The following H1-8 variants were observed in gnomAD, a reference collection of about 807,000 sequenced individuals.
H1-8 encodes the protein H1.8 linker histone, also known as histone H1.8.
A neutral mutation model predicts 19.5 loss-of-function variants in H1-8; 13 were observed. The ratio of observed to expected loss-of-function variants is 0.67; its 90% CI spans 0.43 to 1.06. The LOEUF (loss-of-function observed/expected upper bound fraction) is 1.06. Among genes scored for constraint, H1-8 ranks in the 50% least tolerant of loss-of-function variants. The pLI, the probability that H1-8 is intolerant of heterozygous loss-of-function variation, is 0.00. For synonymous variants in H1-8, 193 were observed against 187.6 expected (o/e 1.03, Z -0.24); for missense variants, 432 against 459.8 (o/e 0.94, Z 0.55).
chr3:129,549,423 CG>C, intron 3 of H1-8, 59 bp downstream of exon 3: 1 of 1,266,790 alleles, frequency 7.9e-7, no homozygotes. Flanking sequence ...GCCACTGGAG[CG>C]GGGGCGGGGA....
rs972047130 is a variant in H1-8, at chr3:129,547,395, G to A, written c.93G>A (p.Pro31=). The A allele has an allele frequency of 1.1e-5, 17 of 1,498,810 alleles. No individual in the cohort carries two copies. The highest frequency in any genetic ancestry group is 8.9e-6 in the Non-Finnish European group (10 of 1,128,998). The allele number at this position is 1,498,810 out of a possible 1,614,324, so 92.8% of individuals were successfully genotyped here. A position where few individuals can be genotyped will look rare whatever the true frequency, so the allele number is the denominator to read the frequency against. The change falls in exon 2 of 5, where the codon CCG becomes CCA. Residue 31 remains proline (P), a synonymous_variant. Coordinates refer to ENST00000324382, the MANE Select transcript of H1-8 (RefSeq NM_153833.3). The stretch of plus-strand genomic sequence containing the variant: ...TGGCCTGCCATCTCTCCTCAGGCCC[G>A]AGCCACGGCGGTGTCCCACCAGGAG... The part of the protein sequence containing the change: ...SRSPESEKPG[P]SHGGVPPGGP...
intron 1 of H1-8, among the ~76,000 whole-genome samples, chr3:129,544,894 A>G (rs901613603): frequency 6.6e-6 from 1 of 151,860 alleles, no homozygotes; most frequent in African/African-American, 2.4e-5. Flanking sequence ...GTGACCCAGG[A>G]CTACACCAGC....
chr3:129,546,153 A>AATG (rs1284983025), intron 1 of H1-8, among the ~76,000 whole-genome samples: 1 of 142,738 alleles, frequency 7.0e-6, no homozygotes, highest in Non-Finnish European at 1.5e-5. Context: ...TAATAATAAT[A>AATG]ATAATGATAA....
Position 129,549,046 on chromosome 3 carries a change from C to T in H1-8, c.424C>T (p.Pro142Ser). The change falls in exon 3 of 5, where the codon CCC becomes TCC. Residue 142 changes from proline to serine, a missense_variant. Transcript: ENST00000324382. ...GAAAATCCAGCCCAGGAAGATGGCC[C>T]CCGCGACGGCTCCCAGGAGAGCGGG... Reference protein sequence around the residue: ...KKKIQPRKMAPATAPRRAGEA... With the variant: ...KKKIQPRKMASATAPRRAGEA... The T allele has an allele frequency of 6.2e-7, 1 of 1,612,910 alleles. No homozygotes were observed. The highest frequency in any genetic ancestry group is 8.5e-7 in the Non-Finnish European group (1 of 1,179,546).
chr3:129,547,346 G>T, intron 1 of H1-8, 45 bp from the exon 2 acceptor site: 1 of 1,459,226 alleles, frequency 6.9e-7, no homozygotes, highest in South Asian at 1.5e-5. Context: ...GCCTGCCACT[G>T]AGTTGTGACT....
chr3:129,544,356 T>G (rs1218920546), intron 1 of H1-8, among the ~76,000 whole-genome samples: 1 of 150,644 alleles, frequency 6.6e-6, no homozygotes. Flanking sequence ...GCGAGGAGAA[T>G]GCATGCGGTG....
chr3:129,551,177 AG>A lies in H1-8; in HGVS notation c.882del (p.Pro295GlnfsTer?), dbSNP rs753762774. ...AAGGCCAAGGCCCCTAAAGCTGGGC[AG>A]GGGCCAAACACCAAGGCTGCTGCTC... The part of the protein sequence containing the change: ...VAKAKAPKAG[Q>X]GPNTKAAAPA... On this transcript the variant is annotated frameshift_variant, in exon 5 of 5. Coordinates refer to ENST00000324382, the MANE Select transcript of H1-8 (RefSeq NM_153833.3). LOFTEE classifies it low-confidence loss of function (END_TRUNC). The A allele has an allele frequency of 3.7e-6, 6 of 1,614,140 alleles. No individual in the cohort carries two copies. Among genetic ancestry groups the A allele is most frequent in the Non-Finnish European group, 5.1e-6 (6 of 1,180,054 alleles).
chr3:129,545,995 G>A (rs2084883802), intron 1 of H1-8, among the ~76,000 whole-genome samples: 1 of 151,922 alleles, frequency 6.6e-6, no homozygotes, highest in African/African-American at 2.4e-5. Context: ...AAACTTTCAG[G>A]GCCGAGCATG....
chr3:129,550,745 G>A lies in H1-8; in HGVS notation c.743G>A (p.Gly248Glu). ...AKAKGSRSSQ[G>E]DAEAYRKTKA... ...TAAAACCTCCTCCATCAAATTCCAG[G>A]AGATGCTGAGGCCTACAGGAAAACC... The change falls in exon 4 of 5, where the codon GGA (glycine) becomes GAA (glutamate). Residue 248 changes from glycine to glutamate, a missense_variant and splice_region_variant. By Grantham distance (98) the Gly-to-Glu change is moderately conservative. Transcript: ENST00000324382. 6.2e-7 allele frequency: 1 copy of A among 1,613,806 alleles called. No individual in the cohort carries two copies. Among genetic ancestry groups the A allele is most frequent in the Non-Finnish European group, 8.5e-7 (1 of 1,179,764 alleles).
chr3:129,547,004 C>T (rs2084893509), intron 1 of H1-8, among the ~76,000 whole-genome samples: 1 of 152,176 alleles, frequency 6.6e-6, no homozygotes. Context: ...TCAAGACCAG[C>T]CTGGCCAACA....
chr3:129,548,359 C>T, intron 2 of H1-8: 1 of 986,096 alleles, frequency 1.0e-6, no homozygotes, highest in Non-Finnish European at 1.2e-6. Flanking sequence ...TGGTAGAACT[C>T]CTGGGCGTGG....
At chr3:129,544,195 G>A (rs1437636929) in intron 1 of H1-8, among the ~76,000 whole-genome samples, 1 of 152,156 alleles carries the variant, frequency 6.6e-6, no homozygotes, top group Admixed American at 6.5e-5. Flanking sequence ...CTCGGAAGCT[G>A]CATCTTCCTT....
chr3:129,547,991 A>G (rs1251783968), intron 2 of H1-8, among the ~76,000 whole-genome samples: 2 of 152,134 alleles, frequency 1.3e-5, no homozygotes, highest in African/African-American at 2.4e-5. Flanking sequence ...TCCTCACCAC[A>G]GCAAAGGGTT....
intron 1 of H1-8, among the ~76,000 whole-genome samples, chr3:129,543,784 G>C (rs1042203294): frequency 2.6e-5 from 4 of 152,182 alleles, no homozygotes; most frequent in Admixed American, 2.6e-4. Flanking sequence ...AGGACCTCCC[G>C]GTCTGATGGG....
intron 1 of H1-8, among the ~76,000 whole-genome samples, chr3:129,547,170 C>T (rs920580338): frequency 1.3e-5 from 2 of 152,172 alleles, no homozygotes; most frequent in African/African-American, 4.8e-5. Context: ...GCACTCCAGC[C>T]TGGGGACATA....
At chr3:129,543,463 C>A (rs983815719) in intron 1 of H1-8, among the ~76,000 whole-genome samples, 157 bp downstream of exon 1, 2 of 152,332 alleles carry the variant, frequency 1.3e-5, no homozygotes, top group Admixed American at 1.3e-4. Flanking sequence ...AGCACCCACC[C>A]AGCACCAAGC....
chr3:129,547,657 A>AG lies in H1-8; in HGVS notation c.361dup (p.Ala121GlyfsTer31). The AG allele has an allele frequency of 3.9e-6, 6 of 1,544,310 alleles. No homozygotes were observed. Among genetic ancestry groups the AG allele is most frequent in the Non-Finnish European group, 4.4e-6 (5 of 1,146,570 alleles). ...CGCCAGGCCCCTCAACTCCAAAGCC[A>AG]GGGGGGCCACTGGCAGCTTCAAAGT... On this transcript the variant is annotated frameshift_variant, in exon 2 of 5. Coordinates refer to ENST00000324382, the MANE Select transcript of H1-8 (RefSeq NM_153833.3). LOFTEE classifies it high-confidence loss of function.
rs1162501901 is a variant in H1-8, at chr3:129,547,552, A to G, written c.250A>G (p.Lys84Glu). The G allele has an allele frequency of 2.5e-6, 4 of 1,577,346 alleles. No individual in the cohort carries two copies. In the South Asian group the frequency reaches 3.5e-5, roughly 14 times the overall value. ...VAAIKLYILHKYPTVDVLRFK... is the reference protein window; with the variant it reads ...VAAIKLYILHEYPTVDVLRFK... ...AGCTATCAAGCTCTACATCCTGCAC[A>G]AGTACCCAACAGTGGACGTCCTCCG... The change falls in exon 2 of 5, where the codon AAG (lysine) becomes GAG (glutamate). Residue 84 changes from lysine to glutamate, a missense_variant. Lys to Glu is a moderately conservative substitution (Grantham distance 56). Coordinates refer to ENST00000324382, the MANE Select transcript of H1-8 (RefSeq NM_153833.3).
Position 129,551,076 on chromosome 3 carries a change from G to GT in H1-8, c.808-30dup. On this transcript the variant is annotated intron_variant, in intron 4 of 4. Coordinates refer to ENST00000324382, the MANE Select transcript of H1-8 (RefSeq NM_153833.3). ...GCTGGGATTTCAGCCCTTCCCAGCT[G>GT]TCTCTTTGCTCCTGGTTTGCTTTCG... is the stretch of plus-strand genomic sequence containing the variant. 6.3e-6 allele frequency: 10 copies of GT among 1,589,786 alleles called. No homozygotes were observed. In the African/African-American group the frequency reaches 6.7e-5, roughly 11 times the overall value.
Sources: gnomAD v4.1 joint callset for allele counts (sites outside exome capture counted in the v4.1 genomes callset) on GRCh38, gnomAD v4.1.1 for gene constraint, MANE v1.5 for transcripts, NCBI Gene and HGNC (gene_info 2026-07-23, HGNC 2026-07-21) for gene names.